NCR1: variants seen among roughly 807,000 people sequenced by gnomAD.
NCR1 encodes the protein NK cell-activating receptor.
In NCR1, 30 loss-of-function variants were observed where a neutral mutation model predicts 32.5. The observed-to-expected ratio is 0.92, with a 90% CI of 0.69 to 1.25. NCR1 has a LOEUF of 1.25. Ranked by LOEUF, NCR1 falls within the 50% of genes most tolerant of loss-of-function variation. The pLI, the probability that NCR1 is intolerant of heterozygous loss-of-function variation, is 0.00. For synonymous variants in NCR1, 169 were observed against 143.4 expected (o/e 1.18, Z -1.28); for missense variants, 369 against 380.7 (o/e 0.97, Z 0.26).
upstream of NCR1, chr19:54,906,009 T>G (rs1372821457): frequency 1.8e-5 from 13 of 733,210 alleles, no homozygotes; most frequent in Non-Finnish European, 2.8e-5. Flanking sequence ...ACCACGGCCT[T>G]TCTGTAAGCT....
downstream of NCR1, among the ~76,000 whole-genome samples, chr19:54,918,992 A>G (rs1007691678): frequency 1.4e-4 from 21 of 152,130 alleles, no homozygotes; most frequent in African/African-American, 5.1e-4. Flanking sequence ...TAAAAAAAAA[A>G]AAAAAAAGTG....
chr19:54,927,851 G>A, the NCR1 span: 6 of 1,345,012 alleles, frequency 4.5e-6, no homozygotes, highest in East Asian at 1.4e-4. Context: ...CAACACTTCG[G>A]GAGGCCAAGG....
upstream of NCR1, among the ~76,000 whole-genome samples, chr19:54,903,352 A>G (rs190505146): frequency 0.01 from 1,164 of 114,412 alleles, 44 homozygotes; most frequent in Non-Finnish European, 0.016. Context: ...ACATATATGC[A>G]TATATACATA....
chr19:54,920,594 A>G (rs1045354371), downstream of NCR1, among the ~76,000 whole-genome samples: 3 of 152,188 alleles, frequency 2.0e-5, no homozygotes, highest in Admixed American at 6.5e-5. Context: ...TGGGAAGCGA[A>G]GGCAAGGGGA....
At chr19:54,937,749 T>C in the NCR1 span, among the ~76,000 whole-genome samples, 2 of 150,916 alleles carry the variant, frequency 1.3e-5, no homozygotes, top group Non-Finnish European at 3.0e-5. Flanking sequence ...AGTACAAAAT[T>C]AGCCGGGCAA....
chr19:54,934,599 G>A, the NCR1 span: 45 of 1,614,114 alleles, frequency 2.8e-5, no homozygotes, highest in Non-Finnish European at 3.8e-5. This position sits in a 1 kb window ranked among gnomAD's most constrained non-coding sequence, Gnocchi z 6.7. Context: ...GGGACTGGTT[G>A]GCTTTGAGGA....
At chr19:54,899,049 C>G in the NCR1 span, among the ~76,000 whole-genome samples, 45 of 152,016 alleles carry the variant, frequency 3.0e-4, no homozygotes, top group East Asian at 3.9e-4. Flanking sequence ...TTGGGACTGA[C>G]GGGACAGGCG....
upstream of NCR1, among the ~76,000 whole-genome samples, chr19:54,901,234 G>T: frequency 6.6e-6 from 1 of 151,252 alleles, no homozygotes; most frequent in East Asian, 1.9e-4. Flanking sequence ...AGCTTGCAGT[G>T]AGTCGAGATT....
At chr19:54,932,088 A>G in the NCR1 span, among the ~76,000 whole-genome samples, 1 of 152,136 alleles carries the variant, frequency 6.6e-6, no homozygotes, top group Non-Finnish European at 1.5e-5. Flanking sequence ...GTTTTGGTGC[A>G]GGTACACTTC....
intron 6 of NCR1, 145 bp downstream of exon 6, chr19:54,912,363 G>A (rs927561102): frequency 1.7e-5 from 13 of 785,798 alleles, no homozygotes; most frequent in African/African-American, 1.2e-4. Flanking sequence ...TTGGGAGGCC[G>A]AGGCGGGCAG....
chr19:54,915,845 A>G (rs1455382823), downstream of NCR1: 14 of 141,458 alleles, frequency 9.9e-5, no homozygotes, highest in South Asian at 1.3e-3. Context: ...CCATCTCAAA[A>G]AAAAAAAAAA....
chr19:54,932,835 T>G, the NCR1 span, among the ~76,000 whole-genome samples: 1 of 152,034 alleles, frequency 6.6e-6, no homozygotes, highest in African/African-American at 2.4e-5. Flanking sequence ...TTTGTATTTT[T>G]TAGTAGCGAT....
At chr19:54,915,530 T>C (rs2068114208), downstream of NCR1, among the ~76,000 whole-genome samples, 1 of 152,092 alleles carries the variant, frequency 6.6e-6, no homozygotes, top group African/African-American at 2.4e-5. Context: ...CTTGCACCCG[T>C]AATCTCAGCT....
the NCR1 span, among the ~76,000 whole-genome samples, chr19:54,924,447 A>C: frequency 1.1e-3 from 164 of 151,616 alleles, 1 homozygote; most frequent in Admixed American, 2.4e-3. Context: ...ACACGGTGAA[A>C]CCCTGTCTCT....
chr19:54,900,613 C>T, the NCR1 span, among the ~76,000 whole-genome samples: 1 of 152,074 alleles, frequency 6.6e-6, no homozygotes, highest in Non-Finnish European at 1.5e-5. Flanking sequence ...GATCACCTGA[C>T]CTGGTGATCC....
At chr19:54,909,199 G>T in intron 3 of NCR1, 46 bp from the exon 4 acceptor site, 2 of 1,551,368 alleles carry the variant, frequency 1.3e-6, no homozygotes, top group Non-Finnish European at 8.8e-7. Flanking sequence ...ATAGCTGGCT[G>T]CTCATCACTG....
At chr19:54,920,201 A>G (rs1219042479), downstream of NCR1, among the ~76,000 whole-genome samples, 3 of 152,124 alleles carry the variant, frequency 2.0e-5, no homozygotes, top group Non-Finnish European at 2.9e-5. Flanking sequence ...GGTTGGTTCC[A>G]CATCTTTGCA....
chr19:54,923,977 A>G, the NCR1 span: 15 of 1,280,372 alleles, frequency 1.2e-5, no homozygotes, highest in Middle Eastern at 1.8e-4. Flanking sequence ...CGTTTTTGGG[A>G]TTTTCTGGGG....
Position 54,909,473 on chromosome 19 carries a change from A to G in NCR1, c.584A>G (p.Asn195Ser). 1 of 1,610,920 alleles carries G rather than the reference A, an allele frequency of 6.2e-7. No homozygotes were observed. Among genetic ancestry groups the G allele is most frequent in the Non-Finnish European group, 8.5e-7 (1 of 1,179,994 alleles). Reference sequence around the variant, plus strand: ...ACATACCGATGTTTTGGCTCCTATAACAACCATGCCTGGTCTTTCCCCAGT... The same window carrying G: ...ACATACCGATGTTTTGGCTCCTATAGCAACCATGCCTGGTCTTTCCCCAGT... ...RGTYRCFGSY[N>S]NHAWSFPSEP... Residue 195 changes from asparagine to serine, a missense_variant, in exon 4 of 7, where the codon AAC becomes AGC. Transcript: ENST00000291890.
Sources: allele counts gnomAD v4.1 joint callset (sites outside exome capture counted in the v4.1 genomes callset), GRCh38; gene constraint gnomAD v4.1.1; non-coding constraint Gnocchi (gnomAD v3.1); transcripts MANE v1.5; gene names NCBI Gene and HGNC (gene_info 2026-07-23, HGNC 2026-07-21).